KIAA0586: variants seen among roughly 807,000 people sequenced by gnomAD.
The protein encoded by KIAA0586 is protein TALPID3.
Under a neutral mutation model 169.8 loss-of-function variants are expected in KIAA0586, and 144 were observed. The ratio of observed to expected loss-of-function variants is 0.85; its 90% confidence interval spans 0.74 to 0.97. KIAA0586 has a LOEUF of 0.97. Ranked by LOEUF, KIAA0586 falls within the 50% of genes least tolerant of loss-of-function variation. The pLI, the probability that KIAA0586 is intolerant of heterozygous loss-of-function variation, is 0.00. For missense variants in KIAA0586, 1,854 were observed against 1,823.0 expected (o/e 1.02, Z -0.31); for synonymous variants, 625 against 612.4 (o/e 1.02, Z -0.30).
chr14:58,500,709 G>A (rs1438169464), intron 27 of KIAA0586, among the ~76,000 whole-genome samples: 1 of 132,630 alleles, frequency 7.5e-6, no homozygotes, highest in African/African-American at 2.8e-5. Context: ...CAGCAAGAGC[G>A]AGTCTCTGCC....
At chr14:58,546,967 C>T (rs943763415) in intron 30 of KIAA0586, among the ~76,000 whole-genome samples, 1 of 152,106 alleles carries the variant, frequency 6.6e-6, no homozygotes, top group Non-Finnish European at 1.5e-5. Context: ...TGTTTTTCCT[C>T]TGACATTGCT....
chr14:58,488,216 C>G, intron 23 of KIAA0586, 107 bp downstream of exon 23: 1 of 858,338 alleles, frequency 1.2e-6, no homozygotes, highest in South Asian at 1.9e-5. Context: ...AAACCACAGA[C>G]TACCTTATAC....
At chr14:58,484,898 A>ATATATTTATATATATT (rs1230592298) in intron 21 of KIAA0586, among the ~76,000 whole-genome samples, 5 of 4,890 alleles carry the variant, frequency 1.0e-3, no homozygotes, top group Non-Finnish European at 1.3e-3. Context: ...ATTTATATAT[A>ATATATTTATATATATT]TATATATATA....
chr14:58,543,810 T>A, intron 30 of KIAA0586: 1 of 426,652 alleles, frequency 2.3e-6, no homozygotes, highest in Non-Finnish European at 4.6e-6. Flanking sequence ...TATAGATCCG[T>A]CTCCCGTCTC....
chr14:58,432,162 G>A (rs567698131), intron 3 of KIAA0586, among the ~76,000 whole-genome samples: 2 of 152,252 alleles, frequency 1.3e-5, no homozygotes, highest in East Asian at 3.9e-4. Context: ...TAGGGGGAAT[G>A]TGTTCAACTT....
intron 4 of KIAA0586, among the ~76,000 whole-genome samples, chr14:58,438,267 T>G (rs2038006588): frequency 6.6e-6 from 1 of 152,164 alleles, no homozygotes; most frequent in South Asian, 2.1e-4. Context: ...TTTATTAATG[T>G]AATAATTGGA....
At chr14:58,493,131 G>C (rs940011090) in intron 26 of KIAA0586, among the ~76,000 whole-genome samples, 3 of 152,114 alleles carry the variant, frequency 2.0e-5, no homozygotes, top group Non-Finnish European at 2.9e-5. Flanking sequence ...GAGAGAATGA[G>C]AACAAAGACA....
intron 30 of KIAA0586, among the ~76,000 whole-genome samples, chr14:58,545,701 T>A (rs899614908): frequency 6.6e-6 from 1 of 152,144 alleles, no homozygotes; most frequent in Non-Finnish European, 1.5e-5. Context: ...ATATTATATA[T>A]TATTAATGCT....
At position 58,458,556 on chromosome 14, in the gene KIAA0586, GAAA is replaced by G; in HGVS notation, c.1656+16_1656+18del. ...TCTGCAGAAATTCAGGTATGTCTTG[GAAA>G]AAAACTGAAAATTAAGTGAATTCTC... On this transcript the variant is annotated intron_variant, in intron 12 of 30. Transcript: ENST00000652326. 2 of 1,423,582 alleles carry G rather than the reference GAAA, an allele frequency of 1.4e-6. No individual in the cohort carries two copies. The highest frequency in any genetic ancestry group is 1.9e-6 in the Non-Finnish European group (2 of 1,044,796). The allele number at this position is 1,423,582 out of a possible 1,614,324, so 88.2% of individuals were successfully genotyped here. A position where few individuals can be genotyped will look rare whatever the true frequency, so the allele number is the denominator to read the frequency against.
chr14:58,453,568 C>A, intron 9 of KIAA0586, 95 bp downstream of exon 9: 1 of 800,102 alleles, frequency 1.2e-6, no homozygotes. Flanking sequence ...TATAGCATTG[C>A]TTCTTAAATT....
intron 21 of KIAA0586, among the ~76,000 whole-genome samples, chr14:58,486,502 C>T (rs2042452872): frequency 6.6e-6 from 1 of 151,914 alleles, no homozygotes; most frequent in Non-Finnish European, 1.5e-5. Flanking sequence ...AGTCAACAAA[C>T]ATGAAAAAAT....
At chr14:58,551,464 A>C (rs2047200099), downstream of KIAA0586, among the ~76,000 whole-genome samples, 1 of 151,928 alleles carries the variant, frequency 6.6e-6, no homozygotes, top group Admixed American at 6.6e-5. Flanking sequence ...CCCAATCAAA[A>C]AGTAATTCTG....
In KIAA0586 at chr14:58,512,520, A is replaced by G. The variant is rs763815640; in HGVS notation, c.4324-2A>G. 3.8e-5 allele frequency: 55 copies of G among 1,458,188 alleles called. No individual in the cohort carries two copies. Among genetic ancestry groups the G allele is most frequent in the Non-Finnish European group, 4.9e-5 (54 of 1,091,272 alleles). 90.3% of individuals were successfully genotyped at this position (1,458,188 alleles called of 1,614,324 possible). ...TATGACTTCATATCTTAAATTATTT[A>G]GTACCAACTAAAGCAAAATCAGGAT... On this transcript the variant is annotated splice_acceptor_variant, in intron 28 of 30. Coordinates refer to ENST00000652326, the MANE Select transcript of KIAA0586 (RefSeq NM_001329943.3). LOFTEE classifies it high-confidence loss of function.
intron 28 of KIAA0586, among the ~76,000 whole-genome samples, chr14:58,509,176 C>T (rs1186693661): frequency 6.6e-6 from 1 of 152,126 alleles, no homozygotes; most frequent in African/African-American, 2.4e-5. Flanking sequence ...GCCCAGATTA[C>T]ACCACTGCAC....
intron 25 of KIAA0586, 74 bp downstream of exon 25, chr14:58,490,314 G>A (rs1173571959): frequency 2.5e-6 from 2 of 785,950 alleles, no homozygotes; most frequent in Non-Finnish European, 3.9e-6. Flanking sequence ...CACTGATCAG[G>A]TTTTTTCTCA....
chr14:58,556,324 A>G, the KIAA0586 span, among the ~76,000 whole-genome samples: 2 of 152,204 alleles, frequency 1.3e-5, no homozygotes, highest in Non-Finnish European at 2.9e-5. Flanking sequence ...TGCCTTTGTT[A>G]TTTTAAGGTA....
At chr14:58,443,263 T>C (rs1468804316) in intron 5 of KIAA0586, among the ~76,000 whole-genome samples, 5 of 152,258 alleles carry the variant, frequency 3.3e-5, no homozygotes, top group Admixed American at 6.5e-5. Flanking sequence ...AGAGTAGGCC[T>C]ATGAGTCTAG....
At chr14:58,461,764 G>C (rs1419677550) in intron 14 of KIAA0586, among the ~76,000 whole-genome samples, 1 of 152,168 alleles carries the variant, frequency 6.6e-6, no homozygotes, top group Non-Finnish European at 1.5e-5. Flanking sequence ...TATTATAAAA[G>C]TGTTGATGAG....
intron 29 of KIAA0586, among the ~76,000 whole-genome samples, chr14:58,529,608 T>G (rs1048329489): frequency 1.3e-5 from 2 of 152,006 alleles, no homozygotes; most frequent in African/African-American, 4.8e-5. Context: ...ACAAAAACCA[T>G]GTGATTATCT....
Sources: gnomAD v4.1 joint callset for allele counts (sites outside exome capture counted in the v4.1 genomes callset) on GRCh38, gnomAD v4.1.1 for gene constraint, MANE v1.5 for transcripts, NCBI Gene and HGNC (gene_info 2026-07-23, HGNC 2026-07-21) for gene names.